The following JAKMIP1 variants were observed in gnomAD, a reference collection of about 807,000 sequenced individuals.
JAKMIP1 encodes janus kinase and microtubule interacting protein 1, also known as janus kinase and microtubule-interacting protein 1.
JAKMIP1 carries 33 observed loss-of-function variants against 113.0 expected under a neutral mutation model. The ratio of observed to expected loss-of-function variants is 0.29; its 90% CI spans 0.22 to 0.39. The LOEUF (loss-of-function observed/expected upper bound fraction) is 0.39. JAKMIP1 is among the 10% of genes least tolerant of loss of function. The probability of loss-of-function intolerance (pLI) is 1.00; values close to 1 mark genes in which losing one functional copy is unlikely to be tolerated. For missense variants in JAKMIP1, 813 were observed against 1,080.5 expected, an observed-to-expected ratio of 0.75 and a Z score of 3.47; for synonymous variants, 480 against 459.9, an observed-to-expected ratio of 1.04 and a Z score of -0.56.
Position 6,141,719 on chromosome 4 carries a change from T to C in JAKMIP1, c.-147-28722A>G, listed in dbSNP as rs1037196537. On this transcript the variant is annotated intron_variant, in intron 1 of 20. Coordinates refer to ENST00000409021, the MANE Select transcript of JAKMIP1 (RefSeq NM_001099433.2). This position sits in a 1 kb window ranked among gnomAD's most constrained non-coding sequence, Gnocchi z 9.4. ...GCCAGGTGGAGAAATGCAAGAGCTA[T>C]TTCTGCACCAAATGGAAAGTGGCCC... is the stretch of plus-strand genomic sequence containing the variant. 1.3e-5 allele frequency among the ~76,000 whole-genome samples: 2 copies of C among 152,186 alleles called. No individual in the cohort carries two copies. Among genetic ancestry groups the C allele is most frequent in the African/African-American group, 2.4e-5 (1 of 41,444 alleles).
chr4:6,069,996 C>T lies in JAKMIP1; in HGVS notation c.1303-4988G>A, dbSNP rs189518820. 5.5e-4 allele frequency: 218 copies of T among 398,138 alleles called. 1 individual carries two copies. Among genetic ancestry groups the T allele is most frequent in the African/African-American group, 3.7e-3 (182 of 48,734 alleles). 24.7% of individuals were successfully genotyped at this position (398,138 alleles called of 1,614,324 possible). A position where few individuals can be genotyped will look rare whatever the true frequency, so the allele number is the denominator to read the frequency against. The stretch of plus-strand genomic sequence containing the variant: ...ACCTGTCACAGGCAGGAGCATCGGT[C>T]GGCCACAGCCAGGGACCGCCAGAGA... On this transcript the variant is annotated intron_variant, in intron 8 of 20. Coordinates refer to ENST00000409021, the MANE Select transcript of JAKMIP1 (RefSeq NM_001099433.2). The surrounding 1 kb of genome is among the most constrained non-coding windows in gnomAD (Gnocchi z 4.5).
At chr4:6,169,581 T>C (rs1724083153) in intron 1 of JAKMIP1, among the ~76,000 whole-genome samples, 1 of 135,364 alleles carries the variant, frequency 7.4e-6, no homozygotes, top group Non-Finnish European at 1.5e-5. Flanking sequence ...TTGTGGAAAT[T>C]TGTTACACCA....
At chr4:6,110,328 A>G (rs1285669897) in intron 2 of JAKMIP1, among the ~76,000 whole-genome samples, 2 of 152,034 alleles carry the variant, frequency 1.3e-5, no homozygotes, top group Non-Finnish European at 2.9e-5. Flanking sequence ...CAAGCCAAGG[A>G]GAGAGGCTTC....
Position 6,050,514 on chromosome 4 carries a change from C to A in JAKMIP1, c.1908+64G>T. On this transcript the variant is annotated intron_variant, in intron 14 of 20. Transcript: ENST00000409021. The surrounding 1 kb of genome is among the most constrained non-coding windows in gnomAD (Gnocchi z 7.4). ...CTATCCCAGCACTCCCCCTTTGCAG[C>A]TGAGCCGGGCACTGAGCGAGCCCTT... 8.8e-7 allele frequency: 1 copy of A among 1,135,904 alleles called. No individual in the cohort carries two copies. The highest frequency in any genetic ancestry group is 1.6e-5 in the African/African-American group (1 of 64,036). 70.4% of individuals were successfully genotyped at this position (1,135,904 alleles called of 1,614,324 possible).
rs562468155 is a variant in JAKMIP1 at position 6,149,426 on chromosome 4, C to T, written c.-147-36429G>A. On this transcript the variant is annotated intron_variant, in intron 1 of 20. Transcript: ENST00000409021. ...CCTCGCCATCTGTCGTAGGAGAAAC[C>T]TCACCAGATCCAGGTGAGAAAGTGG... Among the ~76,000 whole-genome samples the T allele has an allele frequency of 9.2e-4, 140 of 152,190 alleles. 1 individual carries two copies. Among genetic ancestry groups the T allele is most frequent in the African/African-American group, 2.3e-3 (96 of 41,522 alleles).
chr4:6,119,656 C>G (rs1041920128), intron 1 of JAKMIP1, among the ~76,000 whole-genome samples: 2 of 152,216 alleles, frequency 1.3e-5, no homozygotes, highest in Non-Finnish European at 1.5e-5. Flanking sequence ...TCTGAATAAG[C>G]CTTGCCTTGC....
rs1160417670 is a variant in JAKMIP1 at position 6,080,625 on chromosome 4, C to T, written c.1102-313G>A. On this transcript the variant is annotated intron_variant, in intron 6 of 20. Coordinates refer to ENST00000409021, the MANE Select transcript of JAKMIP1 (RefSeq NM_001099433.2). The surrounding 1 kb of genome is among the most constrained non-coding windows in gnomAD (Gnocchi z 6.0). ...ATAAGGGTTTTCCCCTTTTACTTGG[C>T]TCTCAGTCTGTCTTGTCTGCCGCCA... Among the ~76,000 whole-genome samples, 1 of 152,144 alleles carries T rather than the reference C, an allele frequency of 6.6e-6. No individual in the cohort carries two copies. Among genetic ancestry groups the T allele is most frequent in the East Asian group, 1.9e-4 (1 of 5,192 alleles).
chr4:6,197,497 T>C lies in JAKMIP1; in HGVS notation c.-148+2756A>G, dbSNP rs559151743. Reference sequence around the variant, plus strand: ...AGCCAAAGAGATGCCACTGCCCCCTTTTATACAGGAAATGGAGGCTCAGAG... The same window carrying C: ...AGCCAAAGAGATGCCACTGCCCCCTCTTATACAGGAAATGGAGGCTCAGAG... On this transcript the variant is annotated intron_variant, in intron 1 of 20. Coordinates refer to ENST00000409021, the MANE Select transcript of JAKMIP1 (RefSeq NM_001099433.2). This position sits in a 1 kb window ranked among gnomAD's most constrained non-coding sequence, Gnocchi z 6.5. Among the ~76,000 whole-genome samples, 167 of 152,208 alleles carry C rather than the reference T, an allele frequency of 1.1e-3. 1 individual carries two copies. The highest frequency in any genetic ancestry group is 3.7e-3 in the African/African-American group (155 of 41,526).
intron 1 of JAKMIP1, among the ~76,000 whole-genome samples, chr4:6,160,275 A>G (rs1410285354): frequency 1.3e-5 from 2 of 152,186 alleles, no homozygotes; most frequent in Non-Finnish European, 2.9e-5. Flanking sequence ...GTCCTCCCAA[A>G]TTGCTGGGTG....
intron 1 of JAKMIP1, among the ~76,000 whole-genome samples, chr4:6,123,789 C>T (rs1367049503): frequency 1.3e-5 from 2 of 152,176 alleles, no homozygotes; most frequent in African/African-American, 4.8e-5. Flanking sequence ...CCACTGCACT[C>T]CAGCCTGGGC....
rs562244536 is a variant in JAKMIP1 at position 6,171,192 on chromosome 4, T to C, written c.-148+29061A>G. 5.3e-5 allele frequency among the ~76,000 whole-genome samples: 7 copies of C among 131,524 alleles called. No homozygotes were observed. In the East Asian group the frequency reaches 9.5e-4, roughly 18 times the overall value. 86.3% of individuals were successfully genotyped at this position (131,524 alleles called of 152,430 possible). On this transcript the variant is annotated intron_variant, in intron 1 of 20. Transcript: ENST00000409021. Reference sequence around the variant, plus strand: ...ATCACCATTACCACCACCATCACCATCATCACCACCATCACCATCATCACC... The same window carrying C: ...ATCACCATTACCACCACCATCACCACCATCACCACCATCACCATCATCACC...
rs1330952528 is a variant in JAKMIP1 at position 6,069,231 on chromosome 4, A to C, written c.1303-4223T>G. Among the ~76,000 whole-genome samples, 1 of 152,218 alleles carries C rather than the reference A, an allele frequency of 6.6e-6. No individual in the cohort carries two copies. Among genetic ancestry groups the C allele is most frequent in the African/African-American group, 2.4e-5 (1 of 41,462 alleles). On this transcript the variant is annotated intron_variant, in intron 8 of 20. Coordinates refer to ENST00000409021, the MANE Select transcript of JAKMIP1 (RefSeq NM_001099433.2). The surrounding 1 kb of genome is among the most constrained non-coding windows in gnomAD (Gnocchi z 4.5). ...CTGGCACACAGTGGGCTTTAAAAAA[A>C]ATGGCAAACATGAAAGAAACTTCAT...
In JAKMIP1 at chr4:6,184,621, C is replaced by T. The variant is rs891543439; in HGVS notation, c.-148+15632G>A. The stretch of plus-strand genomic sequence containing the variant: ...CTAGGAAACAAGGGTCCCCCGCGCT[C>T]ACCTGTAGATTCAGCAAGAGAGCAG... On this transcript the variant is annotated intron_variant, in intron 1 of 20. Transcript: ENST00000409021. The surrounding 1 kb of genome is among the most constrained non-coding windows in gnomAD (Gnocchi z 4.5). 1.3e-5 allele frequency among the ~76,000 whole-genome samples: 2 copies of T among 152,212 alleles called. No individual in the cohort carries two copies. The highest frequency in any genetic ancestry group is 2.9e-5 in the Non-Finnish European group (2 of 68,042).
Position 6,105,457 on chromosome 4 carries a change from A to AG in JAKMIP1, c.624+15dup. ...AAGGCCGCGTGCCCGCGGGCGGGGGAGGGGGCGGCACGTACCAGCCTGCGG... is the reference window on the plus strand; with the variant it reads ...AAGGCCGCGTGCCCGCGGGCGGGGGAGGGGGGCGGCACGTACCAGCCTGCGG... On this transcript the variant is annotated intron_variant, in intron 3 of 20. Transcript: ENST00000409021. The AG allele has an allele frequency of 1.3e-6, 2 of 1,569,342 alleles. No individual in the cohort carries two copies. Among genetic ancestry groups the AG allele is most frequent in the Non-Finnish European group, 1.7e-6 (2 of 1,159,932 alleles).
At chr4:6,145,724 C>A (rs71599878) in intron 1 of JAKMIP1, among the ~76,000 whole-genome samples, 1,665 of 152,254 alleles carry the variant, frequency 0.011, 13 homozygotes, top group Non-Finnish European at 0.014. Flanking sequence ...GGAGGCTGGG[C>A]ATCTAAGGTC....
Position 6,029,724 on chromosome 4 carries a change from C to G in JAKMIP1, c.2437G>C (p.Glu813Gln). 1 of 1,600,614 alleles carries G rather than the reference C, an allele frequency of 6.2e-7. No homozygotes were observed. The highest frequency in any genetic ancestry group is 8.5e-7 in the Non-Finnish European group (1 of 1,172,644). Residue 813 changes from glutamate to glutamine, a missense_variant, in exon 20 of 21, where the codon GAG (glutamate) becomes CAG (glutamine). Coordinates refer to ENST00000409021, the MANE Select transcript of JAKMIP1 (RefSeq NM_001099433.2). ...GAGCTGCAGTCACCTACCTTTTCCT[C>G]CAGTTCTTTCAGGTGCCGCTTCTGA... ...EFQKRHLKEL[E>Q]EKFLFLFLFF...
chr4:6,080,697 A>T lies in JAKMIP1; in HGVS notation c.1102-385T>A, dbSNP rs1331017630. ...TCTGCCATGATTGTGAGGCCTCCCC[A>T]GCCACGTGAAACTGTGAGTCCATTA... is the stretch of plus-strand genomic sequence containing the variant. On this transcript the variant is annotated intron_variant, in intron 6 of 20. Transcript: ENST00000409021. This position sits in a 1 kb window ranked among gnomAD's most constrained non-coding sequence, Gnocchi z 6.0. Among the ~76,000 whole-genome samples, 1 of 152,150 alleles carries T rather than the reference A, an allele frequency of 6.6e-6. No individual in the cohort carries two copies. The highest frequency in any genetic ancestry group is 1.9e-4 in the East Asian group (1 of 5,194).
chr4:6,055,583 C>T (rs1236237203), intron 12 of JAKMIP1, among the ~76,000 whole-genome samples: 4 of 152,196 alleles, frequency 2.6e-5, no homozygotes, highest in Non-Finnish European at 2.9e-5. Flanking sequence ...GGTTGAAGGG[C>T]TCTGGACCAT....
intron 18 of JAKMIP1, among the ~76,000 whole-genome samples, chr4:6,038,271 G>A (rs530095651): frequency 0.013 from 1,688 of 134,850 alleles, 29 homozygotes; most frequent in African/African-American, 0.049. Flanking sequence ...CTCCAACACC[G>A]AGGCAGAGGC....
Sources: allele counts gnomAD v4.1 joint callset (sites outside exome capture counted in the v4.1 genomes callset), GRCh38; gene constraint gnomAD v4.1.1; non-coding constraint Gnocchi (gnomAD v3.1); transcripts MANE v1.5; gene names NCBI Gene and HGNC (gene_info 2026-07-23, HGNC 2026-07-21).